The following SHC4 variants were observed in gnomAD, a reference collection of about 807,000 sequenced individuals.
SHC4 encodes the protein SHC-transforming protein 4.
Under a neutral mutation model 69.4 loss-of-function variants are expected in SHC4, and 41 were observed. The ratio of observed to expected loss-of-function variants is 0.59; its 90% confidence interval spans 0.46 to 0.77. The LOEUF is 0.77. Ranked by LOEUF, SHC4 falls within the 30% of genes least tolerant of loss-of-function variation. The pLI, the probability that SHC4 is intolerant of heterozygous loss-of-function variation, is 0.00. For missense variants in SHC4, 777 were observed against 783.8 expected (o/e 0.99, Z 0.10); for synonymous variants, 318 against 299.3 (o/e 1.06, Z -0.64).
intron 10 of SHC4, among the ~76,000 whole-genome samples, chr15:48,837,106 T>A (rs1471280473): frequency 1.3e-5 from 2 of 152,188 alleles, no homozygotes; most frequent in Non-Finnish European, 2.9e-5. Context: ...CACGTCTTAA[T>A]GCGTGATGGC....
chr15:48,839,478 G>A (rs1898954611), intron 10 of SHC4, among the ~76,000 whole-genome samples: 1 of 145,322 alleles, frequency 6.9e-6, no homozygotes, highest in Admixed American at 6.8e-5. Context: ...TGGATCCACA[G>A]ATGACAGTGG....
chr15:48,962,393 CG>C (rs767371050), intron 1 of SHC4, 37 bp downstream of exon 1: 33 of 1,507,896 alleles, frequency 2.2e-5, no homozygotes, highest in Non-Finnish European at 2.9e-5. Flanking sequence ...CCCCCTTCCA[CG>C]GAAGTTCTTA....
intron 10 of SHC4, among the ~76,000 whole-genome samples, chr15:48,836,013 A>AG (rs1898891283): frequency 8.5e-6 from 1 of 118,082 alleles, no homozygotes; most frequent in Non-Finnish European, 1.8e-5. Context: ...TCCTGTCTCT[A>AG]CAAAAAATCC....
chr15:48,855,800 G>A (rs1180039703), intron 8 of SHC4, among the ~76,000 whole-genome samples, 153 bp downstream of exon 8: 1 of 152,132 alleles, frequency 6.6e-6, no homozygotes, highest in Admixed American at 6.5e-5. Flanking sequence ...AAATGATCTA[G>A]TGTAGCCTCT....
intron 2 of SHC4, among the ~76,000 whole-genome samples, chr15:48,921,600 T>C (rs1900754666): frequency 6.6e-6 from 1 of 152,212 alleles, no homozygotes; most frequent in African/African-American, 2.4e-5. Flanking sequence ...CTCCCAGTGC[T>C]GGGATTACAG....
chr15:48,909,247 T>C (rs529191138), intron 2 of SHC4, among the ~76,000 whole-genome samples: 56 of 151,998 alleles, frequency 3.7e-4, no homozygotes, highest in Non-Finnish European at 5.6e-4. Context: ...GTAGTCTTCC[T>C]TGTAGAGGTC....
rs886766502 is a variant in SHC4, at chr15:48,825,088, T to C, written c.*883A>G. ...TTACTAAGAATGAAACCAATTTGAA[T>C]AGTAAATATGAAGAATACTGGTTTT... On this transcript the variant is annotated 3_prime_UTR_variant, in exon 12 of 12. Coordinates refer to ENST00000332408, the MANE Select transcript of SHC4 (RefSeq NM_203349.4). 2.0e-5 allele frequency: 3 copies of C among 152,584 alleles called. No homozygotes were observed. The highest frequency in any genetic ancestry group is 7.2e-5 in the African/African-American group (3 of 41,470). 9.5% of individuals were successfully genotyped at this position (152,584 alleles called of 1,614,324 possible).
At chr15:48,915,464 C>T (rs1900601874) in intron 2 of SHC4, among the ~76,000 whole-genome samples, 1 of 152,160 alleles carries the variant, frequency 6.6e-6, no homozygotes, top group South Asian at 2.1e-4. Context: ...GCAGTGAAAC[C>T]TGAAACTAAA....
At chr15:48,894,157 G>GA in intron 2 of SHC4, among the ~76,000 whole-genome samples, 1 of 152,238 alleles carries the variant, frequency 6.6e-6, no homozygotes, top group East Asian at 1.9e-4. Context: ...AAATTAGTGT[G>GA]AAAAAGTAGA....
chr15:48,828,782 A>G (rs1312166910), intron 11 of SHC4, among the ~76,000 whole-genome samples: 1 of 152,208 alleles, frequency 6.6e-6, no homozygotes, highest in Non-Finnish European at 1.5e-5. Flanking sequence ...GCATGTTTTC[A>G]TATACCCGTT....
rs2140967508 is a variant in SHC4, at chr15:48,835,032, G to A, written c.1484-10C>T. ...ACAGTTTCTGGTGCCTCTGAAGTCA[G>A]AACACAAAGAGAGACATCATCGAGT... is the stretch of plus-strand genomic sequence containing the variant. On this transcript the variant is annotated splice_polypyrimidine_tract_variant and intron_variant, in intron 10 of 11. Coordinates refer to ENST00000332408, the MANE Select transcript of SHC4 (RefSeq NM_203349.4). The A allele has an allele frequency of 6.2e-7, 1 of 1,604,274 alleles. No individual in the cohort carries two copies. Among genetic ancestry groups the A allele is most frequent in the Non-Finnish European group, 8.5e-7 (1 of 1,175,172 alleles).
At chr15:48,874,172 GAACA>G (rs1000223900) in intron 4 of SHC4, among the ~76,000 whole-genome samples, 1 of 152,116 alleles carries the variant, frequency 6.6e-6, no homozygotes, top group Non-Finnish European at 1.5e-5. Context: ...GTTTTTTAAA[GAACA>G]AAGACAAAAT....
chr15:48,847,785 C>A lies in SHC4; in HGVS notation c.1303+3403G>T, dbSNP rs1034914945. Among the ~76,000 whole-genome samples, 10 of 152,054 alleles carry A rather than the reference C, an allele frequency of 6.6e-5. No homozygotes were observed. The South Asian group carries it at 8.3e-4, about 13-fold the overall frequency. On this transcript the variant is annotated intron_variant, in intron 9 of 11. Coordinates refer to ENST00000332408, the MANE Select transcript of SHC4 (RefSeq NM_203349.4). ...TGGGAGGCCAAGGCGGGCAGATCAC[C>A]TAAGGTTGGGAGTTCGAGACCAACC... is the stretch of plus-strand genomic sequence containing the variant.
Position 48,962,776 on chromosome 15 carries a change from G to A in SHC4, c.240C>T (p.Pro80=), listed in dbSNP as rs1380559703. 1.2e-6 allele frequency: 2 copies of A among 1,612,764 alleles called. No individual in the cohort carries two copies. Residue 80 remains proline, a synonymous_variant, in exon 1 of 12, where the codon CCC becomes CCT. Transcript: ENST00000332408. The part of the protein sequence containing the change: ...EDATLPSQES[P]TPLCTLIPRM... ...GGGGGATCAAGGTGCACAGTGGGGTGGGGCTCTCCTGCGACGGCAAGGTGG... is the reference window on the plus strand; with the variant it reads ...GGGGGATCAAGGTGCACAGTGGGGTAGGGCTCTCCTGCGACGGCAAGGTGG...
chr15:48,934,904 C>T (rs1901038660), intron 1 of SHC4, among the ~76,000 whole-genome samples: 1 of 152,200 alleles, frequency 6.6e-6, no homozygotes, highest in South Asian at 2.1e-4. Flanking sequence ...ATTTGTAGAG[C>T]TAGAAAGTAG....
chr15:48,880,949 T>A (rs1899927675), intron 4 of SHC4, among the ~76,000 whole-genome samples: 1 of 151,546 alleles, frequency 6.6e-6, no homozygotes, highest in African/African-American at 2.4e-5. Flanking sequence ...GGATGTACCT[T>A]ACAAATTGTG....
chr15:48,856,535 G>A (rs189885311), intron 7 of SHC4, among the ~76,000 whole-genome samples: 4 of 151,794 alleles, frequency 2.6e-5, no homozygotes, highest in Admixed American at 6.6e-5. Flanking sequence ...ATTGTTCTTC[G>A]GGTATAGGGC....
chr15:48,916,331 A>T (rs1408271350), intron 2 of SHC4, among the ~76,000 whole-genome samples: 1 of 151,260 alleles, frequency 6.6e-6, no homozygotes, highest in Admixed American at 6.6e-5. Flanking sequence ...AGAAGTATGC[A>T]TTTGTCATTA....
chr15:48,827,081 G>T (rs548696750), intron 11 of SHC4, among the ~76,000 whole-genome samples: 3 of 152,250 alleles, frequency 2.0e-5, no homozygotes, highest in East Asian at 3.9e-4. Context: ...TGGTGGCCTG[G>T]TTATACAAGT....
Sources: allele counts gnomAD v4.1 joint callset (sites outside exome capture counted in the v4.1 genomes callset), GRCh38; gene constraint gnomAD v4.1.1; transcripts MANE v1.5; gene names NCBI Gene and HGNC (gene_info 2026-07-23, HGNC 2026-07-21).